The following ODAD4 variants were observed in gnomAD, a reference collection of about 807,000 sequenced individuals.
The protein encoded by ODAD4 is outer dynein arm docking complex subunit 4.
Under a neutral mutation model 51.8 loss-of-function variants are expected in ODAD4, and 49 were observed. That is an observed-to-expected ratio of 0.95 (90% CI 0.75 to 1.20). ODAD4 has a LOEUF of 1.20. ODAD4 is among the 50% of genes most tolerant of loss of function. The pLI is 0.00. For synonymous variants in ODAD4, 235 were observed against 221.3 expected (o/e 1.06, Z -0.55); for missense variants, 590 against 586.5 (o/e 1.01, Z -0.06).
chr17:41,936,426 T>C, intron 3 of ODAD4, 47 bp from the exon 4 acceptor site: 1 of 1,384,496 alleles, frequency 7.2e-7, no homozygotes, highest in Non-Finnish European at 1.0e-6. Flanking sequence ...TGATAAGTCA[T>C]GCCTGGGGGG....
chr17:41,965,449 A>G lies in ODAD4; in HGVS notation c.1985A>G (p.Lys662Arg), dbSNP rs1432898388. Residue 662 changes from lysine to arginine, a missense_variant, in exon 12 of 12, where the codon AAA becomes AGA. Around this residue, in one of 3 missense-constraint regions of ODAD4, gnomAD observed 226 missense variants for 162.7 expected, o/e 1.39. Coordinates refer to ENST00000377540, the MANE Select transcript of ODAD4 (RefSeq NM_031421.5). ...TTTGGAGAAATAGGAGAAACGAAAAAAACAGGAAATGAGATGGAAAAGGAA... is the reference window on the plus strand; with the variant it reads ...TTTGGAGAAATAGGAGAAACGAAAAGAACAGGAAATGAGATGGAAAAGGAA... ...TQFGEIGETK[K>R]TGNEMEKEYE The G allele has an allele frequency of 2.6e-6, 2 of 773,362 alleles. No individual in the cohort carries two copies. Among genetic ancestry groups the G allele is most frequent in the African/African-American group, 3.4e-5 (2 of 58,372 alleles). 47.9% of individuals were successfully genotyped at this position (773,362 alleles called of 1,614,324 possible). A position where few individuals can be genotyped will look rare whatever the true frequency, so the allele number is the denominator to read the frequency against.
intron 9 of ODAD4, 36 bp from the exon 10 acceptor site, chr17:41,955,179 ACT>A (rs1555640816): frequency 1.3e-6 from 1 of 755,434 alleles, no homozygotes; most frequent in East Asian, 2.5e-5. Flanking sequence ...ACGTTGTCAC[ACT>A]CTACCTGTGT....
At chr17:41,944,136 G>T (rs2050543616) in intron 7 of ODAD4, among the ~76,000 whole-genome samples, 1 of 151,424 alleles carries the variant, frequency 6.6e-6, no homozygotes, top group Non-Finnish European at 1.5e-5. Flanking sequence ...GGTGAAGGTT[G>T]CAGTGAGCTG....
chr17:41,952,738 T>G, intron 9 of ODAD4: 1 of 493,758 alleles, frequency 2.0e-6, no homozygotes, highest in Non-Finnish European at 4.1e-6. Context: ...GCCTTTTTTT[T>G]CTTCTTTTTT....
intron 9 of ODAD4, 52 bp from the exon 10 acceptor site, chr17:41,955,165 C>T (rs1555640811): frequency 1.3e-6 from 1 of 745,976 alleles, no homozygotes; most frequent in East Asian, 2.5e-5. Context: ...CCATCATGCA[C>T]CACACGTTGT....
intron 9 of ODAD4, among the ~76,000 whole-genome samples, chr17:41,952,179 C>T (rs1238414558): frequency 6.6e-6 from 1 of 151,756 alleles, no homozygotes; most frequent in African/African-American, 2.4e-5. Context: ...CCAGCCTGGC[C>T]AACATAGTGA....
intron 9 of ODAD4, among the ~76,000 whole-genome samples, chr17:41,953,666 T>TAG (rs140951418): frequency 0.018 from 2,611 of 147,564 alleles, 76 homozygotes; most frequent in African/African-American, 0.057. Flanking sequence ...TATATATATA[T>TAG]ATAGAGAGAG....
intron 10 of ODAD4, among the ~76,000 whole-genome samples, chr17:41,956,102 C>T (rs1555640958): frequency 7.0e-6 from 1 of 143,696 alleles, no homozygotes; most frequent in African/African-American, 2.6e-5. Context: ...GGCTGGAGTG[C>T]AATGGTGTGA....
chr17:41,935,115 C>T, intron 1 of ODAD4, 102 bp from the exon 2 acceptor site: 1 of 1,388,880 alleles, frequency 7.2e-7, no homozygotes, highest in Middle Eastern at 2.5e-4. Context: ...TCTTCAGAGC[C>T]TGAAGAAATC....
intron 7 of ODAD4, among the ~76,000 whole-genome samples, chr17:41,944,492 T>G (rs889826655): frequency 6.7e-6 from 1 of 148,190 alleles, no homozygotes; most frequent in African/African-American, 2.5e-5. Context: ...CTGATAACAT[T>G]TAGATTATTT....
At chr17:41,946,952 G>A (rs770309383) in intron 8 of ODAD4, among the ~76,000 whole-genome samples, 9 of 151,674 alleles carry the variant, frequency 5.9e-5, no homozygotes, top group Non-Finnish European at 1.0e-4. Flanking sequence ...CCGGGTTCAC[G>A]CCATTCTCCC....
chr17:41,938,681 G>A lies in ODAD4; in HGVS notation c.750G>A (p.Arg250=). The change falls in exon 6 of 12, where the codon CGG becomes CGA. Residue 250 remains arginine (R), a synonymous_variant. Coordinates refer to ENST00000377540, the MANE Select transcript of ODAD4 (RefSeq NM_031421.5). Reference sequence around the variant, plus strand: ...AGAAGCCGATCTACGCCAGGGAGCGGGACCGGAAGCTGATGCAAGAGAAAT... The same window carrying A: ...AGAAGCCGATCTACGCCAGGGAGCGAGACCGGAAGCTGATGCAAGAGAAAT... The part of the protein sequence containing the change: ...RQQKPIYARE[R]DRKLMQEKWL... 1.2e-6 allele frequency: 2 copies of A among 1,613,964 alleles called. No homozygotes were observed. The highest frequency in any genetic ancestry group is 1.7e-6 in the Non-Finnish European group (2 of 1,179,890).
intron 9 of ODAD4, among the ~76,000 whole-genome samples, chr17:41,954,116 G>T (rs1276670634): frequency 6.6e-6 from 1 of 151,960 alleles, no homozygotes; most frequent in African/African-American, 2.4e-5. Flanking sequence ...CTCCCGAGTA[G>T]CTGGGTTTAC....
rs948201182 is a variant in ODAD4, at chr17:41,945,824, C to G, written c.1145+602C>G. The stretch of plus-strand genomic sequence containing the variant: ...GCTGAGGCAGGAGAATCGCTTGAAC[C>G]CGGAAGGCGGAGGTTGCAGTGAGCT... On this transcript the variant is annotated intron_variant, in intron 8 of 11. Coordinates refer to ENST00000377540, the MANE Select transcript of ODAD4 (RefSeq NM_031421.5). 9.2e-5 allele frequency among the ~76,000 whole-genome samples: 14 copies of G among 152,288 alleles called. No individual in the cohort carries two copies. In the East Asian group the frequency reaches 1.5e-3, roughly 17 times the overall value.
At chr17:41,941,637 C>T (rs188493446) in intron 7 of ODAD4, among the ~76,000 whole-genome samples, 8 of 152,066 alleles carry the variant, frequency 5.3e-5, no homozygotes, top group East Asian at 1.9e-4. Flanking sequence ...TAGTGTTAGC[C>T]GGGTGTGGTG....
chr17:41,954,174 T>C (rs574693449), intron 9 of ODAD4, among the ~76,000 whole-genome samples: 1 of 151,448 alleles, frequency 6.6e-6, no homozygotes, highest in Admixed American at 6.6e-5. Context: ...TTAGTAGAGA[T>C]GGGGATGTCA....
chr17:41,954,916 C>A, intron 9 of ODAD4: 1 of 369,960 alleles, frequency 2.7e-6, no homozygotes, highest in East Asian at 6.3e-5. Flanking sequence ...GCGGTTTTCT[C>A]CTCCACTCTG....
intron 10 of ODAD4, among the ~76,000 whole-genome samples, chr17:41,960,328 A>C (rs201590873): frequency 6.6e-6 from 1 of 151,728 alleles, no homozygotes; most frequent in African/African-American, 2.4e-5. Context: ...AACAAACAAA[A>C]AAACAGTTAC....
intron 2 of ODAD4, 84 bp downstream of exon 2, chr17:41,935,432 C>G (rs1373756496): frequency 6.4e-7 from 1 of 1,555,230 alleles, no homozygotes; most frequent in African/African-American, 1.4e-5. Flanking sequence ...GTAGAACCAG[C>G]CAGACTGCCT....
Sources: allele counts gnomAD v4.1 joint callset (sites outside exome capture counted in the v4.1 genomes callset), GRCh38; gene constraint gnomAD v4.1.1; regional missense constraint gnomAD v4.1.1; transcripts MANE v1.5; gene names NCBI Gene and HGNC (gene_info 2026-07-23, HGNC 2026-07-21).